Variants in NSD2 observed in about 807,000 individuals in gnomAD.
NSD2 encodes histone-lysine N-methyltransferase NSD2.
A neutral mutation model predicts 139.0 loss-of-function variants in NSD2; 12 were observed. The ratio of observed to expected loss-of-function variants is 0.09; its 90% CI spans 0.06 to 0.14. The LOEUF (loss-of-function observed/expected upper bound fraction) is 0.14, where lower values mean the gene tolerates loss of function less well. Among genes scored for constraint, NSD2 ranks in the 10% least tolerant of loss-of-function variants. The pLI is 1.00. For synonymous variants in NSD2, 669 were observed against 648.7 expected, an observed-to-expected ratio of 1.03 and a Z score of -0.48; for missense variants, 1,155 against 1,745.0, an observed-to-expected ratio of 0.66 and a Z score of 6.02.
intron 5 of NSD2, among the ~76,000 whole-genome samples, chr4:1,926,279 C>T (rs573648299): frequency 2.6e-4 from 40 of 151,438 alleles, no homozygotes; most frequent in Non-Finnish European, 5.0e-4. Context: ...CTCAGCCTCC[C>T]GAGTAGCTGG....
intron 18 of NSD2, among the ~76,000 whole-genome samples, chr4:1,969,064 CA>C (rs1189146974): frequency 6.6e-6 from 1 of 152,222 alleles, no homozygotes; most frequent in Admixed American, 6.5e-5. Flanking sequence ...CACCCGGACA[CA>C]GGGGGTGCAG....
At chr4:1,914,924 A>T (rs554136839) in intron 3 of NSD2, among the ~76,000 whole-genome samples, 1 of 151,872 alleles carries the variant, frequency 6.6e-6, no homozygotes, top group Admixed American at 6.6e-5. Flanking sequence ...TTAGTTGGAG[A>T]CTTGATTTTG....
In NSD2 at chr4:1,972,713, A is replaced by G. The variant is rs1272184618; in HGVS notation, c.3373-2150A>G. Among the ~76,000 whole-genome samples the G allele has an allele frequency of 1.3e-5, 2 of 152,274 alleles. No homozygotes were observed. Among genetic ancestry groups the G allele is most frequent in the Non-Finnish European group, 1.5e-5 (1 of 68,056 alleles). On this transcript the variant is annotated intron_variant, in intron 18 of 21. Coordinates refer to ENST00000508803, the MANE Select transcript of NSD2 (RefSeq NM_001042424.3). The surrounding 1 kb of genome is among the most constrained non-coding windows in gnomAD (Gnocchi z 4.0). The stretch of plus-strand genomic sequence containing the variant: ...TAATCTGTGTGGTGGGAAAAGCTGC[A>G]TGCAACTACTCAGCAAACCGAAAAC...
rs1723230273 is a variant in NSD2 at position 1,942,778 on chromosome 4, T to C, written c.1881+3000T>C. ...TAACTTACTGGACTTTTGTGGAAAATATCAGCGTCGCTACCCTCAGAAACA... is the reference window on the plus strand; with the variant it reads ...TAACTTACTGGACTTTTGTGGAAAACATCAGCGTCGCTACCCTCAGAAACA... On this transcript the variant is annotated intron_variant, in intron 9 of 21. Coordinates refer to ENST00000508803, the MANE Select transcript of NSD2 (RefSeq NM_001042424.3). The surrounding 1 kb of genome is among the most constrained non-coding windows in gnomAD (Gnocchi z 4.0). 9.2e-7 allele frequency: 1 copy of C among 1,081,318 alleles called. No homozygotes were observed. The highest frequency in any genetic ancestry group is 1.6e-5 in the African/African-American group (1 of 61,302). The allele number at this position is 1,081,318 out of a possible 1,614,324, so 67.0% of individuals were successfully genotyped here.
chr4:1,899,632 G>A (rs1445628472), intron 1 of NSD2, among the ~76,000 whole-genome samples: 2 of 152,180 alleles, frequency 1.3e-5, no homozygotes, highest in South Asian at 2.1e-4. Context: ...CAGCTGGGGC[G>A]GGTGCCTACC....
At position 1,938,391 on chromosome 4, in the gene NSD2, TTTTTCTTTTCTTTTTTTTTTCTTTC is replaced by T; in HGVS notation, c.1675-55_1675-31del. 8 of 1,292,070 alleles carry T rather than the reference TTTTTCTTTTCTTTTTTTTTTCTTTC, an allele frequency of 6.2e-6. No individual in the cohort carries two copies. In the South Asian group the frequency reaches 7.0e-5, roughly 11 times the overall value. 80.0% of individuals were successfully genotyped at this position (1,292,070 alleles called of 1,614,324 possible). On this transcript the variant is annotated intron_variant, in intron 7 of 21. Transcript: ENST00000508803. ...TTGTTCTTTTTCTTTTTTTTTCCTTTTTTTCTTTTCTTTTTTTTTTCTTTCTTTTTTTTTTTTTTTTTTTTTTTTT... is the reference window on the plus strand; with the variant it reads ...TTGTTCTTTTTCTTTTTTTTTCCTTTTTTTTTTTTTTTTTTTTTTTTTTTT...
intron 3 of NSD2, among the ~76,000 whole-genome samples, chr4:1,916,553 C>T (rs529347443): frequency 1.3e-5 from 2 of 152,274 alleles, no homozygotes; most frequent in African/African-American, 2.4e-5. Flanking sequence ...GCCATGTTGC[C>T]CAGGCTGGTC....
chr4:1,898,698 T>A (rs1198274878), intron 1 of NSD2, among the ~76,000 whole-genome samples: 1 of 149,986 alleles, frequency 6.7e-6, no homozygotes, highest in Non-Finnish European at 1.5e-5. Flanking sequence ...CACTTTTTTT[T>A]TTTTTTTTGT....
chr4:1,898,449 A>G (rs557738681), intron 1 of NSD2, among the ~76,000 whole-genome samples: 18 of 152,140 alleles, frequency 1.2e-4, no homozygotes, highest in South Asian at 8.3e-4. Context: ...CGGATCACGA[A>G]GTCAGGAGAT....
chr4:1,942,163 A>T lies in NSD2; in HGVS notation c.1881+2385A>T. Reference sequence around the variant, plus strand: ...GTATATGTGATAAATAAAAATTTTTATTGGAATAATTATTACATGGTACTA... The same window carrying T: ...GTATATGTGATAAATAAAAATTTTTTTTGGAATAATTATTACATGGTACTA... On this transcript the variant is annotated intron_variant, in intron 9 of 21. Transcript: ENST00000508803. The surrounding 1 kb of genome is among the most constrained non-coding windows in gnomAD (Gnocchi z 4.0). 7.7e-7 allele frequency: 1 copy of T among 1,298,816 alleles called. No homozygotes were observed. The highest frequency in any genetic ancestry group is 9.8e-7 in the Non-Finnish European group (1 of 1,021,480). 80.5% of individuals were successfully genotyped at this position (1,298,816 alleles called of 1,614,324 possible).
chr4:1,947,883 C>T, intron 9 of NSD2: 1 of 1,055,352 alleles, frequency 9.5e-7, no homozygotes, highest in Non-Finnish European at 1.1e-6. Context: ...TGACGCCACT[C>T]TGAAGAGTAG....
intron 18 of NSD2, among the ~76,000 whole-genome samples, chr4:1,965,051 C>CAAAAAAAAAA (rs555374240): frequency 6.4e-5 from 3 of 47,176 alleles, no homozygotes; most frequent in African/African-American, 1.5e-4. Context: ...CAGTGTTCAG[C>CAAAAAAAAAA]AAAAAAAAAA....
At position 1,948,220 on chromosome 4, in the gene NSD2, C is replaced by G; in HGVS notation, c.1882-2852C>G. On this transcript the variant is annotated intron_variant, in intron 9 of 21. Transcript: ENST00000508803. The surrounding 1 kb of genome is among the most constrained non-coding windows in gnomAD (Gnocchi z 4.5). ...TGCCGCAGCATGGCTGTGGTGGACG[C>G]GGGAAACAACGGGAAAGTTCTTGAC... 9.4e-7 allele frequency: 1 copy of G among 1,064,048 alleles called. No individual in the cohort carries two copies. Among genetic ancestry groups the G allele is most frequent in the Non-Finnish European group, 1.1e-6 (1 of 878,216 alleles). The allele number at this position is 1,064,048 out of a possible 1,614,324, so 65.9% of individuals were successfully genotyped here.
intron 1 of NSD2, among the ~76,000 whole-genome samples, chr4:1,875,807 G>C (rs890305931): frequency 1.3e-5 from 2 of 151,734 alleles, no homozygotes; most frequent in African/African-American, 4.8e-5. Context: ...TACTCGGGAG[G>C]CTGAGGCAGG....
At chr4:1,925,687 C>G (rs759136436) in intron 5 of NSD2, among the ~76,000 whole-genome samples, 4 of 151,880 alleles carry the variant, frequency 2.6e-5, no homozygotes, top group Non-Finnish European at 5.9e-5. Flanking sequence ...GCCTGAGCCA[C>G]TGCACCCAGC....
chr4:1,911,508 A>C (rs1718654987), intron 3 of NSD2, among the ~76,000 whole-genome samples: 1 of 147,950 alleles, frequency 6.8e-6, no homozygotes, highest in Admixed American at 6.9e-5. Flanking sequence ...GAATCGCTTG[A>C]GCCCAGGAGA....
At chr4:1,881,700 G>A (rs879681307) in intron 1 of NSD2, among the ~76,000 whole-genome samples, 1 of 152,156 alleles carries the variant, frequency 6.6e-6, no homozygotes, top group African/African-American at 2.4e-5. Flanking sequence ...CTGAGCCCTG[G>A]TTCTAATTAT....
Position 1,872,589 on chromosome 4 carries a change from T to TGA in NSD2, c.-30+1048_-30+1049insAG, listed in dbSNP as rs1246397052. Among the ~76,000 whole-genome samples, 185 of 44,336 alleles carry TGA rather than the reference T, an allele frequency of 4.2e-3. 2 individuals carry two copies. Among genetic ancestry groups the TGA allele is most frequent in the African/African-American group, 9.3e-3 (137 of 14,806 alleles). The allele number at this position is 44,336 out of a possible 152,430, so 29.1% of individuals were successfully genotyped here. ...TTGTGTGTGTGTGTGTGTGTGTGTG[T>TGA]GTGAGAGAGAGAGAGAGAGAGAGAG... On this transcript the variant is annotated intron_variant, in intron 1 of 21. Transcript: ENST00000508803.
chr4:1,940,671 C>T (rs1372802383), intron 9 of NSD2: 1 of 1,061,356 alleles, frequency 9.4e-7, no homozygotes, highest in East Asian at 5.1e-5. Flanking sequence ...TAACTGGGGG[C>T]CCTTTTGGAA....
Sources: allele counts gnomAD v4.1 joint callset (sites outside exome capture counted in the v4.1 genomes callset), GRCh38; gene constraint gnomAD v4.1.1; non-coding constraint Gnocchi (gnomAD v3.1); transcripts MANE v1.5; gene names NCBI Gene and HGNC (gene_info 2026-07-23, HGNC 2026-07-21).